The following ANKRD11 variants were observed in gnomAD, a reference collection of about 807,000 sequenced individuals.
ANKRD11 encodes ankyrin repeat domain-containing protein 11.
Under a neutral mutation model 195.7 loss-of-function variants are expected in ANKRD11, and 17 were observed. The ratio of observed to expected loss-of-function variants is 0.09; its 90% CI spans 0.06 to 0.13. The LOEUF is 0.13. Among genes scored for constraint, ANKRD11 ranks in the 10% least tolerant of loss-of-function variants. The pLI is 1.00. For missense variants in ANKRD11, 3,735 were observed against 3,566.1 expected (o/e 1.05, Z -1.21); for synonymous variants, 1,953 against 1,528.1 (o/e 1.28, Z -6.49).
chr16:89,355,105 T>C (rs189435719), intron 2 of ANKRD11, among the ~76,000 whole-genome samples: 294 of 152,356 alleles, frequency 1.9e-3, no homozygotes, highest in Middle Eastern at 0.01. Context: ...TGACATTTCC[T>C]GGGCAGCTGC....
rs895988307 is a variant in ANKRD11 at position 89,407,639 on chromosome 16, G to A, written c.-60+10645C>T. 1.1e-4 allele frequency among the ~76,000 whole-genome samples: 17 copies of A among 152,188 alleles called. No individual in the cohort carries two copies. The East Asian group carries it at 2.3e-3, about 21-fold the overall frequency. ...AGTTCAAGACCAGCCTGAGTAACAC[G>A]GCGAGACGCCGTCTCTATCAAACAC... On this transcript the variant is annotated intron_variant, in intron 2 of 12. Transcript: ENST00000301030.
At chr16:89,347,107 G>A (rs980276241) in intron 2 of ANKRD11, among the ~76,000 whole-genome samples, 1 of 152,176 alleles carries the variant, frequency 6.6e-6, no homozygotes, top group African/African-American at 2.4e-5. Flanking sequence ...TCCTAGGCCC[G>A]TGGAGGTGTC....
intron 1 of ANKRD11, among the ~76,000 whole-genome samples, chr16:89,447,342 C>T (rs2152308066): frequency 6.6e-6 from 1 of 152,280 alleles, no homozygotes; most frequent in East Asian, 1.9e-4. Context: ...AACACCCTTT[C>T]CTCTCCATCA....
At chr16:89,314,864 G>A (rs191874626) in intron 3 of ANKRD11, among the ~76,000 whole-genome samples, 4 of 152,284 alleles carry the variant, frequency 2.6e-5, no homozygotes, top group African/African-American at 9.6e-5. Flanking sequence ...CACAGAGGCT[G>A]GGATCCTCTG....
At chr16:89,488,447 C>T (rs148083935) in intron 1 of ANKRD11, among the ~76,000 whole-genome samples, 2 of 151,528 alleles carry the variant, frequency 1.3e-5, no homozygotes, top group African/African-American at 2.4e-5. Flanking sequence ...TCCGCCCCCC[C>T]CCCTTTTTTT....
intron 1 of ANKRD11, among the ~76,000 whole-genome samples, chr16:89,444,146 C>A (rs1162103915): frequency 6.6e-6 from 1 of 152,038 alleles, no homozygotes; most frequent in East Asian, 1.9e-4. Flanking sequence ...TGTGTTCCTG[C>A]ATAAAATACT....
At chr16:89,456,982 C>G in intron 1 of ANKRD11, among the ~76,000 whole-genome samples, 1 of 133,896 alleles carries the variant, frequency 7.5e-6, no homozygotes, top group African/African-American at 2.8e-5. Flanking sequence ...TTTTTTGAGA[C>G]GGAGTCTCGC....
chr16:89,486,561 G>A (rs1179210907), intron 1 of ANKRD11, among the ~76,000 whole-genome samples: 1 of 152,136 alleles, frequency 6.6e-6, no homozygotes, highest in Non-Finnish European at 1.5e-5. Flanking sequence ...AGCGAGGTAT[G>A]TCGAGGCCAT....
Position 89,457,725 on chromosome 16 carries a change from T to C in ANKRD11, c.-145+32520A>G, listed in dbSNP as rs192694822. Among the ~76,000 whole-genome samples, 652 of 152,160 alleles carry C rather than the reference T, an allele frequency of 4.3e-3. 2 individuals carry two copies. Among genetic ancestry groups the C allele is most frequent in the South Asian group, 0.019 (93 of 4,820 alleles). On this transcript the variant is annotated intron_variant, in intron 1 of 12. Transcript: ENST00000301030. ...GTTACAAATGGGCATTCTGCGGTGA[T>C]GGAAATGTCTGTGTCAAGCTGGTGC...
chr16:89,274,598 G>C, intron 11 of ANKRD11: 1 of 668,836 alleles, frequency 1.5e-6, no homozygotes, highest in South Asian at 1.8e-5. Context: ...TGAGGGCCTT[G>C]CCCGTGCGGG....
chr16:89,279,728 C>T lies in ANKRD11; in HGVS notation c.6814G>A (p.Asp2272Asn). The stretch of plus-strand genomic sequence containing the variant: ...GCCACAGTGTTCGGGGCGGGGCCGT[C>T]AGGGGCACAGAGGGACGCGGCGGGG... The part of the protein sequence containing the change: ...GPPAASLCAP[D>N]GPAPNTVAQA... Residue 2272 changes from aspartate (D) to asparagine (N), a missense_variant, in exon 9 of 13, where the codon GAC (aspartate) becomes AAC (asparagine). Asp to Asn is a conservative substitution (Grantham distance 23). Coordinates refer to ENST00000301030, the MANE Select transcript of ANKRD11 (RefSeq NM_013275.6). This position sits in a 1 kb window ranked among gnomAD's most constrained non-coding sequence, Gnocchi z 5.6. 1.3e-6 allele frequency: 2 copies of T among 1,538,846 alleles called. No homozygotes were observed. Among genetic ancestry groups the T allele is most frequent in the Non-Finnish European group, 8.7e-7 (1 of 1,147,744 alleles).
intron 1 of ANKRD11, among the ~76,000 whole-genome samples, chr16:89,480,975 A>C (rs992441518): frequency 2.6e-5 from 4 of 152,144 alleles, no homozygotes; most frequent in Non-Finnish European, 4.4e-5. Flanking sequence ...AAATGTCCCC[A>C]GGGCAGAGAA....
At chr16:89,417,656 G>A (rs1352051857) in intron 2 of ANKRD11, among the ~76,000 whole-genome samples, 9 of 152,146 alleles carry the variant, frequency 5.9e-5, no homozygotes, top group Non-Finnish European at 1.3e-4. Flanking sequence ...CATCTAGAGG[G>A]TTCAGCAACA....
rs768748344 is a variant in ANKRD11 at position 89,275,223 on chromosome 16, C to G, written c.7471-32G>C. 5.1e-6 allele frequency: 8 copies of G among 1,567,524 alleles called. No individual in the cohort carries two copies. In the Admixed American group the frequency reaches 5.4e-5, roughly 11 times the overall value. On this transcript the variant is annotated intron_variant, in intron 9 of 12. Transcript: ENST00000301030. ...GCAAAAGGTGAGTGTGGGGGGTCAG[C>G]TGGGGCTGTGGAACTGCACGAAGGA...
intron 1 of ANKRD11, among the ~76,000 whole-genome samples, chr16:89,456,322 G>A (rs1377303565): frequency 6.6e-6 from 1 of 151,926 alleles, no homozygotes; most frequent in East Asian, 1.9e-4. Flanking sequence ...GGCAAGACAG[G>A]CAGACCACTT....
chr16:89,301,522 G>A (rs1597531642), intron 4 of ANKRD11: 2 of 398,798 alleles, frequency 5.0e-6, no homozygotes, highest in Admixed American at 8.8e-5. Flanking sequence ...GGTCTGAGAG[G>A]GCTCGGTGGG....
At chr16:89,434,241 G>T (rs1480384235) in intron 1 of ANKRD11, among the ~76,000 whole-genome samples, 1 of 152,078 alleles carries the variant, frequency 6.6e-6, no homozygotes, top group Admixed American at 6.6e-5. Context: ...GTGTGTCTGG[G>T]GGTGAACTGC....
chr16:89,352,882 G>A (rs1352849462), intron 2 of ANKRD11, among the ~76,000 whole-genome samples: 4 of 152,236 alleles, frequency 2.6e-5, no homozygotes, highest in South Asian at 4.1e-4. Flanking sequence ...TTTCTCTCAC[G>A]GCTTGTTCTA....
chr16:89,467,141 C>G (rs1322904731), intron 1 of ANKRD11, among the ~76,000 whole-genome samples: 3 of 152,166 alleles, frequency 2.0e-5, no homozygotes, highest in Non-Finnish European at 4.4e-5. Context: ...AACCCACAAG[C>G]TGCAATCAGG....
Sources: gnomAD v4.1 joint callset for allele counts (sites outside exome capture counted in the v4.1 genomes callset) on GRCh38, gnomAD v4.1.1 for gene constraint, Gnocchi (gnomAD v3.1) non-coding constraint, MANE v1.5 for transcripts, NCBI Gene and HGNC (gene_info 2026-07-23, HGNC 2026-07-21) for gene names.